Variants in SNTG1 observed in about 807,000 individuals in gnomAD.
The protein encoded by SNTG1 is gamma-1-syntrophin.
Under a neutral mutation model 74.7 loss-of-function variants are expected in SNTG1, and 39 were observed. The ratio of observed to expected loss-of-function variants is 0.52; its 90% CI spans 0.40 to 0.68. SNTG1 has a LOEUF of 0.68. Among genes scored for constraint, SNTG1 ranks in the 30% least tolerant of loss-of-function variants. The pLI is 0.00. For synonymous variants in SNTG1, 254 were observed against 217.1 expected (o/e 1.17, Z -1.49); for missense variants, 685 against 609.5 (o/e 1.12, Z -1.30).
rs1347504709 is a variant in SNTG1 at position 50,733,363 on chromosome 8, G to T, written c.1285-18638G>T. Among the ~76,000 whole-genome samples, 5 of 151,718 alleles carry T rather than the reference G, an allele frequency of 3.3e-5. No homozygotes were observed. In the East Asian group the frequency reaches 7.7e-4, roughly 24 times the overall value. On this transcript the variant is annotated intron_variant, in intron 17 of 18. Transcript: ENST00000642720. Reference sequence around the variant, plus strand: ...GGACTTGGGTTGATTCCATGTCTTTGCAATTGTGAATAGTGCAGCAATGAA... The same window carrying T: ...GGACTTGGGTTGATTCCATGTCTTTTCAATTGTGAATAGTGCAGCAATGAA...
At chr8:50,689,313 A>C (rs917881484) in intron 15 of SNTG1, among the ~76,000 whole-genome samples, 2 of 152,108 alleles carry the variant, frequency 1.3e-5, no homozygotes. Context: ...GAGAGAGTGC[A>C]TCCCTCTCTT....
chr8:50,612,183 C>T (rs1183383624), intron 13 of SNTG1, among the ~76,000 whole-genome samples: 2 of 152,216 alleles, frequency 1.3e-5, no homozygotes, highest in African/African-American at 2.4e-5. Flanking sequence ...ATCACCTTGT[C>T]AACCTTTGTG....
At chr8:50,698,954 C>A (rs1427367760) in intron 15 of SNTG1, among the ~76,000 whole-genome samples, 1 of 151,802 alleles carries the variant, frequency 6.6e-6, no homozygotes, top group Non-Finnish European at 1.5e-5. Context: ...GCTGACTGTT[C>A]TTCTTTTTCT....
At chr8:50,605,727 G>A (rs2094807453) in intron 13 of SNTG1, among the ~76,000 whole-genome samples, 1 of 152,026 alleles carries the variant, frequency 6.6e-6, no homozygotes, top group African/African-American at 2.4e-5. Flanking sequence ...CTGATTTTTG[G>A]TTCTTTCAAT....
At position 50,358,961 on chromosome 8, in the gene SNTG1, A is replaced by G. The variant is rs141409348; in HGVS notation, c.-27-35251A>G. On this transcript the variant is annotated intron_variant, in intron 2 of 18. Coordinates refer to ENST00000642720, the MANE Select transcript of SNTG1 (RefSeq NM_018967.5). Reference sequence around the variant, plus strand: ...TCTCAATGTTATGGGAGACATGCATACTGGTATTCTGTGCCTGAAAATATG... The same window carrying G: ...TCTCAATGTTATGGGAGACATGCATGCTGGTATTCTGTGCCTGAAAATATG... Among the ~76,000 whole-genome samples, 228 of 152,234 alleles carry G rather than the reference A, an allele frequency of 1.5e-3. 6 individuals carry two copies. The East Asian group carries it at 0.04, about 27-fold the overall frequency.
At chr8:50,074,932 C>T (rs1821708599) in intron 1 of SNTG1, among the ~76,000 whole-genome samples, 1 of 152,196 alleles carries the variant, frequency 6.6e-6, no homozygotes, top group Non-Finnish European at 1.5e-5. Flanking sequence ...GGTGGGCATC[C>T]TCTCCACAGA....
intron 2 of SNTG1, among the ~76,000 whole-genome samples, chr8:50,336,176 A>G (rs1186205078): frequency 6.6e-6 from 1 of 152,210 alleles, no homozygotes; most frequent in East Asian, 1.9e-4. Flanking sequence ...GGACTGGGAA[A>G]TGTAATTTCT....
chr8:50,223,508 A>G (rs2085171487), intron 2 of SNTG1, among the ~76,000 whole-genome samples: 1 of 152,186 alleles, frequency 6.6e-6, no homozygotes. Flanking sequence ...ATTTATCCTT[A>G]TTGAGTTTAT....
At chr8:50,541,671 A>T (rs1313771685) in intron 11 of SNTG1, among the ~76,000 whole-genome samples, 1 of 152,092 alleles carries the variant, frequency 6.6e-6, no homozygotes, top group African/African-American at 2.4e-5. Flanking sequence ...AACTATTCAA[A>T]TCCTTCTTTT....
intron 12 of SNTG1, among the ~76,000 whole-genome samples, chr8:50,590,039 A>C (rs548090077): frequency 3.3e-5 from 5 of 152,258 alleles, no homozygotes; most frequent in African/African-American, 9.6e-5. Flanking sequence ...AACTTTGTGT[A>C]CTTTTTCTGT....
intron 1 of SNTG1, among the ~76,000 whole-genome samples, chr8:49,957,980 G>A (rs910075132): frequency 3.9e-5 from 6 of 152,106 alleles, no homozygotes; most frequent in Non-Finnish European, 7.4e-5. Context: ...CATAGGACTT[G>A]TGGATCATGA....
chr8:50,011,710 A>T (rs1815819368), intron 1 of SNTG1: 1 of 151,922 alleles, frequency 6.6e-6, no homozygotes, highest in South Asian at 2.1e-4. Context: ...TTATTCAAAG[A>T]TTATCACTGT....
intron 17 of SNTG1, among the ~76,000 whole-genome samples, chr8:50,718,611 C>T (rs1405643377): frequency 1.3e-5 from 2 of 152,030 alleles, no homozygotes; most frequent in African/African-American, 4.8e-5. Flanking sequence ...GAGAGAAAGC[C>T]CTAATGCGCA....
At chr8:50,623,648 T>C (rs183734196) in intron 13 of SNTG1, among the ~76,000 whole-genome samples, 16 of 152,182 alleles carry the variant, frequency 1.1e-4, no homozygotes, top group African/African-American at 2.9e-4. Context: ...ATCATGACTT[T>C]TTGAAAATTT....
At chr8:50,104,009 A>C (rs203628) in intron 1 of SNTG1, among the ~76,000 whole-genome samples, 1 of 152,090 alleles carries the variant, frequency 6.6e-6, no homozygotes, top group African/African-American at 2.4e-5. Flanking sequence ...CAGGGATATC[A>C]GTCTAAAATT....
At chr8:49,969,925 TG>T (rs1563411001) in intron 1 of SNTG1, among the ~76,000 whole-genome samples, 5 of 151,504 alleles carry the variant, frequency 3.3e-5, no homozygotes. Flanking sequence ...AACCTGTGTG[TG>T]TGTGTGTGTG....
intron 2 of SNTG1, among the ~76,000 whole-genome samples, chr8:50,386,223 C>T (rs1027888048): frequency 2.0e-5 from 3 of 151,958 alleles, no homozygotes; most frequent in African/African-American, 7.3e-5. Context: ...TTGGCCTTAC[C>T]CTGAGATGGA....
chr8:50,319,994 C>T (rs1563891887), intron 2 of SNTG1, among the ~76,000 whole-genome samples: 1 of 152,092 alleles, frequency 6.6e-6, no homozygotes, highest in Non-Finnish European at 1.5e-5. Context: ...GTGTCTTTGT[C>T]TGTTTTGGTG....
intron 1 of SNTG1, among the ~76,000 whole-genome samples, chr8:50,094,075 G>A (rs1177220477): frequency 6.6e-6 from 1 of 152,154 alleles, no homozygotes; most frequent in African/African-American, 2.4e-5. Flanking sequence ...AGATACTGAT[G>A]TCTGAGTCTT....
Sources: allele counts gnomAD v4.1 joint callset (sites outside exome capture counted in the v4.1 genomes callset), GRCh38; gene constraint gnomAD v4.1.1; transcripts MANE v1.5; gene names NCBI Gene and HGNC (gene_info 2026-07-23, HGNC 2026-07-21).